Variants in ODAD4 observed in about 807,000 individuals in gnomAD.
ODAD4 encodes outer dynein arm-docking complex subunit 4.
In ODAD4, 49 loss-of-function variants were observed where a neutral mutation model predicts 51.8. The observed-to-expected ratio is 0.95, with a 90% CI of 0.75 to 1.20. The LOEUF (loss-of-function observed/expected upper bound fraction) is 1.20. Ranked by LOEUF, ODAD4 falls within the 50% of genes most tolerant of loss-of-function variation. The probability of loss-of-function intolerance (pLI) is 0.00; values close to 1 mark genes in which losing one functional copy is unlikely to be tolerated. For synonymous variants in ODAD4, 235 were observed against 221.3 expected, an observed-to-expected ratio of 1.06 and a Z score of -0.55; for missense variants, 590 against 586.5, an observed-to-expected ratio of 1.01 and a Z score of -0.06.
chr17:41,954,615 G>C (rs1169566377), intron 9 of ODAD4, among the ~76,000 whole-genome samples: 1 of 151,990 alleles, frequency 6.6e-6, no homozygotes, highest in Non-Finnish European at 1.5e-5. Flanking sequence ...ACTTTGGGAG[G>C]CCGAGGCAGG....
At position 41,961,524 on chromosome 17, in the gene ODAD4, C is replaced by CTTT. The variant is rs1555641733; in HGVS notation, c.1528+59_1528+60insTTT. The CTTT allele has an allele frequency of 6.7e-5, 48 of 715,018 alleles. No homozygotes were observed. In the African/African-American group the frequency reaches 8.4e-4, roughly 12 times the overall value. 44.3% of individuals were successfully genotyped at this position (715,018 alleles called of 1,614,324 possible). A position where few individuals can be genotyped will look rare whatever the true frequency, so the allele number is the denominator to read the frequency against. ...AGCATTCTCCCTCTGCTTTCTTTTC[C>CTTT]TCTAGTCCGAGACACATGCGACAGC... On this transcript the variant is annotated intron_variant, in intron 11 of 11. Coordinates refer to ENST00000377540, the MANE Select transcript of ODAD4 (RefSeq NM_031421.5).
rs942915574 is a variant in ODAD4 at position 41,965,831 on chromosome 17, C to G, written c.*348C>G. 1.3e-5 allele frequency among the ~76,000 whole-genome samples: 2 copies of G among 152,172 alleles called. No individual in the cohort carries two copies. The highest frequency in any genetic ancestry group is 4.8e-5 in the African/African-American group (2 of 41,436). ...TGGGAGGAGAGGTGCTTCCCACACA[C>G]CGGTGACTGACTGAGTCCCTCCAGT... On this transcript the variant is annotated 3_prime_UTR_variant, in exon 12 of 12. Transcript: ENST00000377540.
chr17:41,934,800 G>C (rs1438508818), intron 1 of ODAD4, among the ~76,000 whole-genome samples: 3 of 152,216 alleles, frequency 2.0e-5, no homozygotes, highest in East Asian at 3.8e-4. Flanking sequence ...AATTTGCTTT[G>C]AGTATGATGT....
In ODAD4 at chr17:41,936,857, G is replaced by T. The variant is rs370238675; in HGVS notation, c.555G>T (p.Lys185Asn). 45 of 1,613,878 alleles carry T rather than the reference G, an allele frequency of 2.8e-5. No individual in the cohort carries two copies. The highest frequency in any genetic ancestry group is 3.5e-5 in the Non-Finnish European group (41 of 1,179,912). ...PKWKASLKSEKTVRQLLGELY... is the reference protein window; with the variant it reads ...PKWKASLKSENTVRQLLGELY... ...GGAAGGCCTCGCTCAAGAGTGAGAA[G>T]ACTGTCCGCCAGCTTCTGGGGGAGC... Residue 185 changes from lysine to asparagine, a missense_variant, in exon 5 of 12, where the codon AAG (lysine) becomes AAT (asparagine). Lys to Asn is a moderately conservative substitution (Grantham distance 94). Transcript: ENST00000377540.
At chr17:41,956,735 C>T (rs373125252) in intron 10 of ODAD4, among the ~76,000 whole-genome samples, 36 of 151,660 alleles carry the variant, frequency 2.4e-4, no homozygotes, top group South Asian at 4.2e-4. Context: ...GGTGACAGAG[C>T]GAGACCCTGT....
chr17:41,945,309 C>A, intron 8 of ODAD4, 87 bp downstream of exon 8: 2 of 999,236 alleles, frequency 2.0e-6, no homozygotes, highest in Non-Finnish European at 3.0e-6. Flanking sequence ...TAATAAGAAT[C>A]CAGCCTGGGC....
chr17:41,932,858 C>G (rs1352816869), intron 1 of ODAD4, among the ~76,000 whole-genome samples: 2 of 151,716 alleles, frequency 1.3e-5, no homozygotes, highest in African/African-American at 4.9e-5. Flanking sequence ...AGATACAGTG[C>G]CCTAAAAACA....
At chr17:41,931,963 G>A (rs2050348927) in intron 1 of ODAD4, among the ~76,000 whole-genome samples, 1 of 148,682 alleles carries the variant, frequency 6.7e-6, no homozygotes, top group Admixed American at 6.7e-5. Flanking sequence ...GTCTTGCTCT[G>A]TCTCCAGGCT....
At chr17:41,939,438 T>C (rs565727913) in intron 7 of ODAD4, among the ~76,000 whole-genome samples, 94 of 152,320 alleles carry the variant, frequency 6.2e-4, no homozygotes, top group African/African-American at 2.3e-3. Context: ...GTTTATATTC[T>C]TACATCAGCT....
At chr17:41,954,230 G>A (rs982189894) in intron 9 of ODAD4, among the ~76,000 whole-genome samples, 6 of 151,806 alleles carry the variant, frequency 4.0e-5, no homozygotes, top group African/African-American at 1.5e-4. Flanking sequence ...CAAGCAATCC[G>A]CCCACCTTGG....
At chr17:41,945,573 GAAGA>G (rs1259850223) in intron 8 of ODAD4, among the ~76,000 whole-genome samples, 1 of 152,058 alleles carries the variant, frequency 6.6e-6, no homozygotes, top group African/African-American at 2.4e-5. Context: ...TGCCTCCTCA[GAAGA>G]AAGAATTTGA....
At chr17:41,946,471 C>T (rs1317476903) in intron 8 of ODAD4, among the ~76,000 whole-genome samples, 4 of 151,904 alleles carry the variant, frequency 2.6e-5, no homozygotes, top group Non-Finnish European at 4.4e-5. Context: ...ACTACAGGCG[C>T]CCGCCACCAC....
intron 7 of ODAD4, among the ~76,000 whole-genome samples, chr17:41,940,798 C>T (rs2050495043): frequency 6.6e-6 from 1 of 152,198 alleles, no homozygotes; most frequent in Non-Finnish European, 1.5e-5. Flanking sequence ...TACTTCTCGC[C>T]AGACCTCTCT....
intron 9 of ODAD4, among the ~76,000 whole-genome samples, chr17:41,950,664 C>G (rs938515849): frequency 1.8e-4 from 27 of 152,214 alleles, no homozygotes; most frequent in African/African-American, 6.0e-4. Context: ...GTGTGAGCCA[C>G]TGCGCCTGGC....
At chr17:41,944,023 C>A (rs550906788) in intron 7 of ODAD4, among the ~76,000 whole-genome samples, 11 of 152,138 alleles carry the variant, frequency 7.2e-5, no homozygotes, top group African/African-American at 2.4e-4. Flanking sequence ...CATGAAGAAA[C>A]CCTGTCTCTA....
rs2050464744 is a variant in ODAD4, at chr17:41,938,773, T to C, written c.842T>C (p.Ile281Thr). 3.7e-6 allele frequency: 6 copies of C among 1,612,816 alleles called. No individual in the cohort carries two copies. The highest frequency in any genetic ancestry group is 5.1e-6 in the Non-Finnish European group (6 of 1,179,822). The change falls in exon 6 of 12, where the codon ATT becomes ACT. Residue 281 changes from isoleucine (I) to threonine (T), a missense_variant. Physicochemically the swap from Ile to Thr is moderately conservative, Grantham distance 89. Around this residue, in one of 3 missense-constraint regions of ODAD4, gnomAD observed 360 missense variants for 407.5 expected, o/e 0.88. Coordinates refer to ENST00000377540, the MANE Select transcript of ODAD4 (RefSeq NM_031421.5). The stretch of plus-strand genomic sequence containing the variant: ...TACATCCTCAAGAGCCTGGAGGACA[T>C]TGATATGTGTAGGTGTTGTTCTCAG... ...AHYILKSLED[I>T]DMLLTSGSAE...
intron 3 of ODAD4, among the ~76,000 whole-genome samples, chr17:41,936,030 C>T (rs538276493): frequency 6.6e-6 from 1 of 152,318 alleles, no homozygotes; most frequent in East Asian, 1.9e-4. Flanking sequence ...TCAAAGTAGG[C>T]CTGTCTTTAG....
rs1403591590 is a variant in ODAD4 at position 41,955,326 on chromosome 17, T to G, written c.1443+9T>G. The G allele has an allele frequency of 1.3e-6, 1 of 772,612 alleles. No individual in the cohort carries two copies. Among genetic ancestry groups the G allele is most frequent in the Non-Finnish European group, 2.4e-6 (1 of 414,526 alleles). 47.9% of individuals were successfully genotyped at this position (772,612 alleles called of 1,614,324 possible). A position where few individuals can be genotyped will look rare whatever the true frequency, so the allele number is the denominator to read the frequency against. On this transcript the variant is annotated intron_variant, in intron 10 of 11. Transcript: ENST00000377540. The stretch of plus-strand genomic sequence containing the variant: ...AGCAGGCCATCATCAGTGTGAGCCT[T>G]TCCACCCGCCGGGCTTCGGGTGTCA...
intron 9 of ODAD4, among the ~76,000 whole-genome samples, chr17:41,953,083 T>C (rs1221902569): frequency 6.6e-6 from 1 of 152,080 alleles, no homozygotes; most frequent in Admixed American, 6.6e-5. Context: ...ATTTTTGAGA[T>C]GGAGTTTCGC....
Sources: allele counts gnomAD v4.1 joint callset (sites outside exome capture counted in the v4.1 genomes callset), GRCh38; gene constraint gnomAD v4.1.1; regional missense constraint gnomAD v4.1.1; transcripts MANE v1.5; gene names NCBI Gene and HGNC (gene_info 2026-07-23, HGNC 2026-07-21).